The following RABL3 variants were observed in gnomAD, a reference collection of about 807,000 sequenced individuals.
The protein encoded by RABL3 is RAB, member of RAS oncogene family like 3.
In RABL3, 31 loss-of-function variants were observed where a neutral mutation model predicts 31.8. That is an observed-to-expected ratio of 0.97 (90% confidence interval 0.73 to 1.31). The LOEUF (loss-of-function observed/expected upper bound fraction) is 1.31. Among genes scored for constraint, RABL3 ranks in the 40% most tolerant of loss-of-function variants. The pLI is 0.00. For synonymous variants in RABL3, 97 were observed against 99.9 expected (o/e 0.97, Z 0.18); for missense variants, 263 against 279.6 (o/e 0.94, Z 0.42).
chr3:120,724,015 G>A (rs1173114285), intron 2 of RABL3, among the ~76,000 whole-genome samples: 1 of 152,194 alleles, frequency 6.6e-6, no homozygotes, highest in Non-Finnish European at 1.5e-5. Context: ...AATTGTCCCT[G>A]TTTGCAGATG....
chr3:120,737,335 A>T (rs1247444259), intron 1 of RABL3, among the ~76,000 whole-genome samples: 1 of 152,212 alleles, frequency 6.6e-6, no homozygotes, highest in African/African-American at 2.4e-5. Flanking sequence ...AAGCTTGTGC[A>T]TCATCACGTA....
chr3:120,705,586 T>C (rs919119683), intron 4 of RABL3, among the ~76,000 whole-genome samples: 1 of 152,208 alleles, frequency 6.6e-6, no homozygotes, highest in South Asian at 2.1e-4. Context: ...TAGACATTCA[T>C]ATGCAAACGT....
intron 7 of RABL3, 108 bp downstream of exon 7, chr3:120,690,341 T>G: frequency 1.4e-6 from 1 of 725,706 alleles, no homozygotes; most frequent in Non-Finnish European, 2.4e-6. Context: ...CAGTTGCTTG[T>G]GCCTATAAAG....
intron 2 of RABL3, among the ~76,000 whole-genome samples, chr3:120,713,704 G>C (rs1708636386): frequency 6.6e-6 from 1 of 151,916 alleles, no homozygotes; most frequent in African/African-American, 2.4e-5. Flanking sequence ...CTGCCACTTT[G>C]GACCTTCTCA....
intron 2 of RABL3, among the ~76,000 whole-genome samples, chr3:120,718,329 G>A (rs182522951): frequency 1.3e-5 from 2 of 152,252 alleles, no homozygotes; most frequent in Admixed American, 1.3e-4. Flanking sequence ...TACTTCTAGT[G>A]CATTACTCCT....
intron 4 of RABL3, among the ~76,000 whole-genome samples, chr3:120,701,429 G>A (rs2107578758): frequency 6.6e-6 from 1 of 152,286 alleles, no homozygotes; most frequent in Middle Eastern, 3.4e-3. Flanking sequence ...TGAAACTGTA[G>A]TGTCAAAATG....
rs1342173520 is a variant in RABL3 at position 120,689,348 on chromosome 3, A to C, written c.*475T>G. The C allele has an allele frequency of 6.6e-6, 1 of 152,378 alleles. No individual in the cohort carries two copies. The highest frequency in any genetic ancestry group is 1.5e-5 in the Non-Finnish European group (1 of 68,158). The allele number at this position is 152,378 out of a possible 1,614,324, so 9.4% of individuals were successfully genotyped here. On this transcript the variant is annotated 3_prime_UTR_variant, in exon 8 of 8. Transcript: ENST00000273375. ...AAATAACACCATTTTGCATCTTTGA[A>C]AATGACAGAGATTGTTTGGGGTAGA...
intron 2 of RABL3, among the ~76,000 whole-genome samples, chr3:120,713,028 C>T (rs914352970): frequency 2.0e-5 from 3 of 151,902 alleles, no homozygotes; most frequent in Non-Finnish European, 4.4e-5. Context: ...CACTGCAGTA[C>T]ACCATTTTTT....
chr3:120,707,928 T>C (rs1708569818), intron 3 of RABL3, among the ~76,000 whole-genome samples: 1 of 152,110 alleles, frequency 6.6e-6, no homozygotes, highest in South Asian at 2.1e-4. Context: ...CAGGGTGATA[T>C]GATAATATAT....
At chr3:120,734,790 T>C (rs1432236159) in intron 1 of RABL3, among the ~76,000 whole-genome samples, 1 of 152,238 alleles carries the variant, frequency 6.6e-6, no homozygotes, top group Non-Finnish European at 1.5e-5. Flanking sequence ...TTTCTGCATC[T>C]ATTGAGATAA....
intron 1 of RABL3, among the ~76,000 whole-genome samples, chr3:120,738,201 A>C (rs776351455): frequency 6.6e-6 from 1 of 152,186 alleles, no homozygotes; most frequent in Non-Finnish European, 1.5e-5. Context: ...AAGCTTCATC[A>C]ATGGCGGGCG....
intron 5 of RABL3, among the ~76,000 whole-genome samples, chr3:120,694,938 T>A (rs892469420): frequency 8.0e-5 from 12 of 150,746 alleles, no homozygotes; most frequent in Non-Finnish European, 1.5e-4. Flanking sequence ...AGGCCTACTA[T>A]CCGCTGGAAT....
chr3:120,738,757 G>A (rs1351937232), intron 1 of RABL3: 1 of 152,056 alleles, frequency 6.6e-6, no homozygotes, highest in Non-Finnish European at 1.5e-5. Context: ...TATCTCCATA[G>A]TACTTCAGAA....
intron 1 of RABL3, among the ~76,000 whole-genome samples, chr3:120,742,207 G>A (rs997292537): frequency 3.3e-5 from 5 of 151,214 alleles, no homozygotes; most frequent in Admixed American, 2.0e-4. Context: ...TCTAGGCTGG[G>A]GTCGCCTGGG....
intron 2 of RABL3, among the ~76,000 whole-genome samples, chr3:120,719,570 A>G (rs887095340): frequency 6.6e-6 from 1 of 152,244 alleles, no homozygotes; most frequent in Non-Finnish European, 1.5e-5. Context: ...CCTGGCTCGA[A>G]GGGTCCTACG....
chr3:120,707,201 G>A (rs1421384667), intron 3 of RABL3, among the ~76,000 whole-genome samples: 3 of 152,088 alleles, frequency 2.0e-5, no homozygotes. Context: ...TAACTAAAGG[G>A]CTTGTACAAG....
intron 1 of RABL3, among the ~76,000 whole-genome samples, chr3:120,738,060 C>T (rs1422872181): frequency 6.6e-6 from 1 of 152,236 alleles, no homozygotes; most frequent in Non-Finnish European, 1.5e-5. Flanking sequence ...CCGACAGGGA[C>T]ATTTAAGTCT....
At chr3:120,705,601 C>T (rs1200666448) in intron 4 of RABL3, among the ~76,000 whole-genome samples, 2 of 152,138 alleles carry the variant, frequency 1.3e-5, no homozygotes, top group East Asian at 3.8e-4. Flanking sequence ...AAACGTTAAC[C>T]TCAACCAAAA....
At chr3:120,731,643 A>T (rs1488983449) in intron 1 of RABL3, among the ~76,000 whole-genome samples, 1 of 152,204 alleles carries the variant, frequency 6.6e-6, no homozygotes, top group African/African-American at 2.4e-5. Flanking sequence ...CATGGTTGGT[A>T]TCTTTACAAA....
Sources: allele counts gnomAD v4.1 joint callset (sites outside exome capture counted in the v4.1 genomes callset), GRCh38; gene constraint gnomAD v4.1.1; transcripts MANE v1.5; gene names NCBI Gene and HGNC (gene_info 2026-07-23, HGNC 2026-07-21).